The following MMRN1 variants were observed in gnomAD, a reference collection of about 807,000 sequenced individuals.
MMRN1 encodes multimerin-1.
In MMRN1, 94 loss-of-function variants were observed where a neutral mutation model predicts 100.7. The observed-to-expected ratio is 0.93, with a 90% confidence interval of 0.79 to 1.11. The LOEUF is 1.11. Among genes scored for constraint, MMRN1 ranks in the 50% least tolerant of loss-of-function variants. The probability of loss-of-function intolerance (pLI) is 0.00; values close to 1 mark genes in which losing one functional copy is unlikely to be tolerated. For synonymous variants in MMRN1, 575 were observed against 505.0 expected, an observed-to-expected ratio of 1.14 and a Z score of -1.86; for missense variants, 1,606 against 1,439.1, an observed-to-expected ratio of 1.12 and a Z score of -1.88.
At chr4:89,880,198 A>C (rs1451212274) in intron 1 of MMRN1, among the ~76,000 whole-genome samples, 1 of 152,186 alleles carries the variant, frequency 6.6e-6, no homozygotes, top group Non-Finnish European at 1.5e-5. Context: ...TTGGGGGAGA[A>C]GGTTGAGTTT....
chr4:89,913,570 T>A (rs1355223262), intron 3 of MMRN1, among the ~76,000 whole-genome samples: 1 of 151,270 alleles, frequency 6.6e-6, no homozygotes, highest in Middle Eastern at 3.2e-3. Flanking sequence ...TAGCTGACAG[T>A]TTCAAATATA....
chr4:89,936,107 T>A lies in MMRN1; in HGVS notation c.2427T>A (p.Ile809=). 6.2e-7 allele frequency: 1 copy of A among 1,612,764 alleles called. No homozygotes were observed. Among genetic ancestry groups the A allele is most frequent in the Non-Finnish European group, 8.5e-7 (1 of 1,179,614 alleles). The change falls in exon 6 of 8, where the codon ATT becomes ATA. Residue 809 remains isoleucine, a synonymous_variant. Coordinates refer to ENST00000264790, the MANE Select transcript of MMRN1 (RefSeq NM_007351.3). ...VLQVAKTLAG[I]PRDEKLNQSN... ...AAGTCGCCAAGACCCTTGCAGGTAT[T>A]CCCAGAGATGAGAAACTAAATCAGT...
At position 89,895,201 on chromosome 4, in the gene MMRN1, G is replaced by A. The variant is rs754598359; in HGVS notation, c.230G>A (p.Ser77Asn). Residue 77 changes from serine (S) to asparagine (N), a missense_variant, in exon 1 of 8, where the codon AGT (serine) becomes AAT (asparagine). Transcript: ENST00000264790. ...TTPEARTSED[S>N]LLKSTLPPSE... is the part of the protein sequence containing the mutation. ...CCAGAGGCAAGAACTTCTGAAGACA[G>A]TCTTCTTAAATCAACACTGCCTCCC... 5 of 1,613,810 alleles carry A rather than the reference G, an allele frequency of 3.1e-6. No individual in the cohort carries two copies. The highest frequency in any genetic ancestry group is 1.3e-5 in the African/African-American group (1 of 75,034).
At chr4:89,914,263 C>G (rs1721845952) in intron 3 of MMRN1, among the ~76,000 whole-genome samples, 1 of 151,408 alleles carries the variant, frequency 6.6e-6, no homozygotes, top group South Asian at 2.1e-4. Context: ...CTTTTGTACC[C>G]TTCTTTCCAT....
At chr4:89,899,458 A>G (rs186969097) in intron 1 of MMRN1, among the ~76,000 whole-genome samples, 1 of 152,276 alleles carries the variant, frequency 6.6e-6, no homozygotes, top group Non-Finnish European at 1.5e-5. Context: ...TGGAACCAAC[A>G]GCCCAGTGGC....
intron 1 of MMRN1, among the ~76,000 whole-genome samples, chr4:89,904,155 T>C (rs889130539): frequency 2.0e-5 from 3 of 151,788 alleles, no homozygotes; most frequent in African/African-American, 7.3e-5. Flanking sequence ...CATCCTTTGC[T>C]CTATTTCTTA....
chr4:89,952,974 C>G, intron 7 of MMRN1, 23 bp from the exon 8 acceptor site: 1 of 1,542,416 alleles, frequency 6.5e-7, no homozygotes, highest in Non-Finnish European at 8.7e-7. Flanking sequence ...AAAATTAACT[C>G]TTGCCATTTT....
rs560434631 is a variant in MMRN1, at chr4:89,950,814, C to T, written c.3119-791C>T. Among the ~76,000 whole-genome samples, 7 of 152,178 alleles carry T rather than the reference C, an allele frequency of 4.6e-5. No homozygotes were observed. In the East Asian group the frequency reaches 1.4e-3, roughly 29 times the overall value. On this transcript the variant is annotated intron_variant, in intron 6 of 7. Coordinates refer to ENST00000264790, the MANE Select transcript of MMRN1 (RefSeq NM_007351.3). ...ACTCAAGCCATCCTCTTGCCTTGGC[C>T]TCCTGAAGTGGTGGGGTTACAGGTG...
intron 1 of MMRN1, among the ~76,000 whole-genome samples, chr4:89,907,120 T>G (rs1721587631): frequency 6.6e-6 from 1 of 151,512 alleles, no homozygotes; most frequent in Non-Finnish European, 1.5e-5. Flanking sequence ...TGCATTTGCA[T>G]GAGGAATCTA....
intron 2 of MMRN1, among the ~76,000 whole-genome samples, chr4:89,910,429 TC>T (rs1267663150): frequency 6.6e-6 from 1 of 151,498 alleles, no homozygotes; most frequent in Non-Finnish European, 1.5e-5. Flanking sequence ...TAAGTATTTA[TC>T]TTTATTCTCG....
chr4:89,930,635 A>G (rs1722406135), intron 5 of MMRN1, among the ~76,000 whole-genome samples: 1 of 152,044 alleles, frequency 6.6e-6, no homozygotes, highest in Non-Finnish European at 1.5e-5. Context: ...TTTTGATGTC[A>G]TGAGAATTAG....
chr4:89,898,997 G>A (rs985981075), intron 1 of MMRN1, among the ~76,000 whole-genome samples: 1 of 151,998 alleles, frequency 6.6e-6, no homozygotes, highest in Admixed American at 6.6e-5. Flanking sequence ...ATTAATATGT[G>A]AATATAAAGA....
intron 6 of MMRN1, among the ~76,000 whole-genome samples, chr4:89,941,674 A>G (rs894954486): frequency 2.0e-5 from 3 of 152,156 alleles, no homozygotes; most frequent in Non-Finnish European, 2.9e-5. Flanking sequence ...AATGGAGAGA[A>G]GTCAAGTTCC....
intron 1 of MMRN1, among the ~76,000 whole-genome samples, chr4:89,900,144 G>A (rs958293587): frequency 3.3e-5 from 5 of 151,978 alleles, no homozygotes; most frequent in South Asian, 2.1e-4. Flanking sequence ...AAAGTATTTC[G>A]AAGGCAATGG....
chr4:89,950,935 T>C (rs1222041301), intron 6 of MMRN1, among the ~76,000 whole-genome samples: 1 of 152,054 alleles, frequency 6.6e-6, no homozygotes, highest in African/African-American at 2.4e-5. Context: ...AGTCATTAGA[T>C]TGCCATGTCT....
At chr4:89,939,240 C>G (rs1475094832) in intron 6 of MMRN1, among the ~76,000 whole-genome samples, 1 of 152,070 alleles carries the variant, frequency 6.6e-6, no homozygotes, top group East Asian at 1.9e-4. Context: ...CCACATTGCT[C>G]TCCCACATAA....
rs1416589827 is a variant in MMRN1, at chr4:89,953,047, T to A, written c.3316T>A (p.Ser1106Thr). Residue 1106 changes from serine to threonine, a missense_variant, in exon 8 of 8, where the codon TCT (serine) becomes ACT (threonine). Coordinates refer to ENST00000264790, the MANE Select transcript of MMRN1 (RefSeq NM_007351.3). ...RYAPMVAFFA[S>T]HTYGMTIPGP... The stretch of plus-strand genomic sequence containing the variant: ...TGCACCCATGGTGGCATTTTTTGCA[T>A]CTCATACGTATGGAATGACTATACC... The A allele has an allele frequency of 6.2e-7, 1 of 1,613,094 alleles. No individual in the cohort carries two copies. The highest frequency in any genetic ancestry group is 8.5e-7 in the Non-Finnish European group (1 of 1,179,520).
rs778476699 is a variant in MMRN1, at chr4:89,909,365, G to A, written c.713G>A (p.Cys238Tyr). 4.3e-6 allele frequency: 7 copies of A among 1,609,856 alleles called. No individual in the cohort carries two copies. The African/African-American group carries it at 9.4e-5, about 22-fold the overall frequency. The change falls in exon 2 of 8, where the codon TGT becomes TAT. Residue 238 changes from cysteine to tyrosine, a missense_variant. Cys to Tyr is a radical substitution (Grantham distance 194, BLOSUM62 -2). Transcript: ENST00000264790. Reference protein sequence around the residue: ...VTYVPGGKGPCGWTGGSCPQR... With the variant: ...VTYVPGGKGPYGWTGGSCPQR... ...TATGTCCCAGGTGGGAAAGGACCTT[G>A]TGGCTGGACCGGTGGATCCTGTCCT...
At chr4:89,943,487 G>A (rs1722895876) in intron 6 of MMRN1, among the ~76,000 whole-genome samples, 1 of 152,170 alleles carries the variant, frequency 6.6e-6, no homozygotes, top group Non-Finnish European at 1.5e-5. Context: ...GGTTATATTA[G>A]CTTAAAATGT....
Sources: allele counts gnomAD v4.1 joint callset (sites outside exome capture counted in the v4.1 genomes callset), GRCh38; gene constraint gnomAD v4.1.1; transcripts MANE v1.5; gene names NCBI Gene and HGNC (gene_info 2026-07-23, HGNC 2026-07-21).